Variants in GPC5 observed in about 807,000 individuals in gnomAD.
The protein encoded by GPC5 is glypican-5.
Under a neutral mutation model 53.9 loss-of-function variants are expected in GPC5, and 47 were observed. The observed-to-expected ratio is 0.87, with a 90% CI of 0.69 to 1.11. GPC5 has a LOEUF of 1.11. GPC5 is among the 50% of genes most tolerant of loss of function. GPC5 has a pLI of 0.00. For synonymous variants in GPC5, 286 were observed against 263.3 expected, an observed-to-expected ratio of 1.09 and a Z score of -0.84; for missense variants, 748 against 713.1, an observed-to-expected ratio of 1.05 and a Z score of -0.56.
At chr13:92,291,453 A>G (rs1482070169) in intron 7 of GPC5, among the ~76,000 whole-genome samples, 1 of 152,128 alleles carries the variant, frequency 6.6e-6, no homozygotes, top group African/African-American at 2.4e-5. Flanking sequence ...GCACCAATCG[A>G]CACTGTATCT....
chr13:92,460,564 A>G (rs1878437440), intron 7 of GPC5, among the ~76,000 whole-genome samples: 1 of 152,194 alleles, frequency 6.6e-6, no homozygotes, highest in Non-Finnish European at 1.5e-5. Context: ...TTGAGTCCTT[A>G]TATCACATTC....
chr13:92,835,254 T>C (rs1878184688), intron 7 of GPC5, among the ~76,000 whole-genome samples: 1 of 152,060 alleles, frequency 6.6e-6, no homozygotes, highest in Non-Finnish European at 1.5e-5. Flanking sequence ...TATGATTGTA[T>C]AAAGTGTAAT....
In GPC5 at chr13:92,772,029, T is replaced by A. The variant is rs186346563; in HGVS notation, c.1562-94253T>A. On this transcript the variant is annotated intron_variant, in intron 7 of 7. Coordinates refer to ENST00000377067, the MANE Select transcript of GPC5 (RefSeq NM_004466.6). ...CTCCAAAATAATGAATTCCCCCTTT[T>A]CTTTCACACACTGAATTAATCCAAC... 5.9e-5 allele frequency among the ~76,000 whole-genome samples: 9 copies of A among 152,290 alleles called. No homozygotes were observed. In the East Asian group the frequency reaches 1.5e-3, roughly 26 times the overall value.
intron 7 of GPC5, among the ~76,000 whole-genome samples, chr13:92,369,716 G>C (rs573628395): frequency 2.6e-5 from 4 of 152,312 alleles, no homozygotes; most frequent in African/African-American, 9.6e-5. Context: ...ATGCTTGCAG[G>C]TTACTGCCTA....
At chr13:92,626,649 T>C (rs1178912360) in intron 7 of GPC5, among the ~76,000 whole-genome samples, 1 of 152,220 alleles carries the variant, frequency 6.6e-6, no homozygotes, top group Non-Finnish European at 1.5e-5. Flanking sequence ...GCTAATTTAA[T>C]GCTGGGTTGG....
Position 92,332,179 on chromosome 13 carries a change from C to T in GPC5, c.1561+187190C>T, listed in dbSNP as rs551598424. Among the ~76,000 whole-genome samples, 4 of 152,148 alleles carry T rather than the reference C, an allele frequency of 2.6e-5. No individual in the cohort carries two copies. In the East Asian group the frequency reaches 7.7e-4, roughly 29 times the overall value. On this transcript the variant is annotated intron_variant, in intron 7 of 7. Transcript: ENST00000377067. ...GATTTTTAAATAATATATTTTCAGACCTTTTGGTTGAATACATAATGTTAA... is the reference window on the plus strand; with the variant it reads ...GATTTTTAAATAATATATTTTCAGATCTTTTGGTTGAATACATAATGTTAA...
At chr13:91,498,029 T>A (rs1884374415) in intron 2 of GPC5, among the ~76,000 whole-genome samples, 2 of 152,148 alleles carry the variant, frequency 1.3e-5, no homozygotes, top group South Asian at 2.1e-4. Context: ...GACTTCTAAT[T>A]GCACCTAGAG....
intron 7 of GPC5, among the ~76,000 whole-genome samples, chr13:92,368,596 C>T (rs1327894617): frequency 7.5e-6 from 1 of 132,480 alleles, no homozygotes; most frequent in Non-Finnish European, 1.5e-5. Context: ...AAGATCGCAC[C>T]ACTACATTCC....
chr13:91,648,649 A>G (rs554911165), intron 2 of GPC5, among the ~76,000 whole-genome samples: 1 of 152,192 alleles, frequency 6.6e-6, no homozygotes, highest in Non-Finnish European at 1.5e-5. Flanking sequence ...AGTTACTGTT[A>G]ACTTTTTACT....
intron 7 of GPC5, among the ~76,000 whole-genome samples, chr13:92,409,284 T>C (rs1389867170): frequency 6.6e-6 from 1 of 151,918 alleles, no homozygotes; most frequent in East Asian, 1.9e-4. Context: ...TGCTAAAATA[T>C]AATTATAAAA....
chr13:92,429,181 T>A (rs1876973286), intron 7 of GPC5, among the ~76,000 whole-genome samples: 1 of 152,028 alleles, frequency 6.6e-6, no homozygotes, highest in Non-Finnish European at 1.5e-5. Context: ...AATTAAAAGA[T>A]GGACAGAATA....
At chr13:91,436,801 A>C (rs529467675) in intron 1 of GPC5, among the ~76,000 whole-genome samples, 1 of 152,254 alleles carries the variant, frequency 6.6e-6, no homozygotes, top group East Asian at 1.9e-4. Flanking sequence ...AAAGTCTCCC[A>C]TTATTATTGT....
intron 7 of GPC5, among the ~76,000 whole-genome samples, chr13:92,502,440 A>C (rs910583248): frequency 6.7e-6 from 1 of 150,306 alleles, no homozygotes; most frequent in South Asian, 2.1e-4. Flanking sequence ...AGAATGGATT[A>C]AAAAAAACAT....
chr13:92,663,678 CTA>C (rs1027037089), intron 7 of GPC5, among the ~76,000 whole-genome samples: 5 of 138,152 alleles, frequency 3.6e-5, no homozygotes, highest in South Asian at 2.2e-4. Flanking sequence ...TATATATACA[CTA>C]TATATATCTA....
intron 6 of GPC5, among the ~76,000 whole-genome samples, chr13:92,109,025 T>C (rs1566438799): frequency 6.6e-6 from 1 of 151,898 alleles, no homozygotes. Context: ...CTTGCTGTTT[T>C]CTTGTAGCGC....
At chr13:91,653,288 A>T (rs192988943) in intron 2 of GPC5, among the ~76,000 whole-genome samples, 10 of 152,264 alleles carry the variant, frequency 6.6e-5, no homozygotes, top group Admixed American at 6.5e-5. Flanking sequence ...CCCTTATAAG[A>T]TTATCTCCGC....
intron 7 of GPC5, among the ~76,000 whole-genome samples, chr13:92,306,038 C>G (rs1169266804): frequency 6.6e-6 from 1 of 152,294 alleles, no homozygotes; most frequent in East Asian, 1.9e-4. Context: ...AGCAAACGAG[C>G]TGGACTTATC....
At chr13:92,831,494 GA>G (rs1424901778) in intron 7 of GPC5, among the ~76,000 whole-genome samples, 1 of 152,020 alleles carries the variant, frequency 6.6e-6, no homozygotes, top group Non-Finnish European at 1.5e-5. Flanking sequence ...AAGTTATCAG[GA>G]TTATTGGACA....
intron 2 of GPC5, among the ~76,000 whole-genome samples, chr13:91,604,754 T>C (rs1317018428): frequency 3.5e-5 from 2 of 57,508 alleles, no homozygotes; most frequent in African/African-American, 1.9e-4. Flanking sequence ...ATGTCTTCTT[T>C]TGAGAAGTGT....
Sources: allele counts gnomAD v4.1 joint callset (sites outside exome capture counted in the v4.1 genomes callset), GRCh38; gene constraint gnomAD v4.1.1; transcripts MANE v1.5; gene names NCBI Gene and HGNC (gene_info 2026-07-23, HGNC 2026-07-21).